The following LRFN5 variants were observed in gnomAD, a reference collection of about 807,000 sequenced individuals.
LRFN5 encodes the protein leucine-rich repeat and fibronectin type-III domain-containing protein 5.
A neutral mutation model predicts 45.6 loss-of-function variants in LRFN5; 24 were observed. That is an observed-to-expected ratio of 0.53 (90% CI 0.38 to 0.74). LRFN5 has a LOEUF of 0.74. Among genes scored for constraint, LRFN5 ranks in the 30% least tolerant of loss-of-function variants. The pLI, the probability that LRFN5 is intolerant of heterozygous loss-of-function variation, is 0.00. For missense variants in LRFN5, 776 were observed against 861.5 expected, an observed-to-expected ratio of 0.90 and a Z score of 1.24; for synonymous variants, 340 against 313.8, an observed-to-expected ratio of 1.08 and a Z score of -0.88.
chr14:41,886,576 T>C, intron 2 of LRFN5, 30 bp from the exon 3 acceptor site: 5 of 1,390,908 alleles, frequency 3.6e-6, no homozygotes, highest in Non-Finnish European at 4.9e-6. Context: ...CACTGGATGC[T>C]AACATTCTAT....
At chr14:41,803,317 T>G (rs892842960) in intron 2 of LRFN5, among the ~76,000 whole-genome samples, 1 of 152,164 alleles carries the variant, frequency 6.6e-6, no homozygotes. Flanking sequence ...AAAAAGCTAA[T>G]TCAACTCATT....
At chr14:41,734,316 T>TTATTTA (rs1441190358) in intron 1 of LRFN5, among the ~76,000 whole-genome samples, 2 of 38,766 alleles carry the variant, frequency 5.2e-5, no homozygotes, top group African/African-American at 1.1e-4. Flanking sequence ...TGGACTGGTT[T>TTATTTA]TATATATATA....
chr14:41,722,933 G>C (rs1883787375), intron 1 of LRFN5, among the ~76,000 whole-genome samples: 1 of 152,172 alleles, frequency 6.6e-6, no homozygotes. Flanking sequence ...AAGCACCAGT[G>C]CCAAGGGAGA....
At chr14:41,794,292 T>C (rs1357606742) in intron 2 of LRFN5, among the ~76,000 whole-genome samples, 1 of 152,074 alleles carries the variant, frequency 6.6e-6, no homozygotes, top group Non-Finnish European at 1.5e-5. Flanking sequence ...GTCTAACATA[T>C]AATAATTCAA....
intron 1 of LRFN5, among the ~76,000 whole-genome samples, chr14:41,665,114 G>T (rs951431206): frequency 6.6e-6 from 1 of 151,212 alleles, no homozygotes; most frequent in African/African-American, 2.4e-5. Flanking sequence ...TTTTAATTTG[G>T]CATCCTTTTC....
Position 41,836,161 on chromosome 14 carries a change from C to T in LRFN5, c.-20-50445C>T, listed in dbSNP as rs548540186. Among the ~76,000 whole-genome samples, 3 of 152,196 alleles carry T rather than the reference C, an allele frequency of 2.0e-5. No homozygotes were observed. The East Asian group carries it at 5.8e-4, about 30-fold the overall frequency. ...GGAATAGTGTATGTTTCTATGAACT[C>T]AGACTTTAGTTTCAGCTTTTGCATC... On this transcript the variant is annotated intron_variant, in intron 2 of 5. Coordinates refer to ENST00000298119, the MANE Select transcript of LRFN5 (RefSeq NM_152447.5).
intron 2 of LRFN5, among the ~76,000 whole-genome samples, chr14:41,796,330 A>T (rs1566447819): frequency 6.6e-6 from 1 of 152,010 alleles, no homozygotes; most frequent in Non-Finnish European, 1.5e-5. Flanking sequence ...TATTACCAGC[A>T]TTAAAATATT....
At chr14:41,821,132 T>C (rs568237091) in intron 2 of LRFN5, among the ~76,000 whole-genome samples, 1 of 151,978 alleles carries the variant, frequency 6.6e-6, no homozygotes, top group East Asian at 1.9e-4. Context: ...TCTTGCTAGG[T>C]TTTCCAGTAC....
intron 1 of LRFN5, among the ~76,000 whole-genome samples, chr14:41,676,409 T>C (rs982464574): frequency 1.3e-5 from 2 of 152,220 alleles, no homozygotes; most frequent in Non-Finnish European, 2.9e-5. Flanking sequence ...GATTTGACTT[T>C]GCAAAAGAGA....
chr14:41,800,686 G>A (rs2138967317), intron 2 of LRFN5, among the ~76,000 whole-genome samples: 1 of 151,400 alleles, frequency 6.6e-6, no homozygotes, highest in East Asian at 1.9e-4. Flanking sequence ...AAAATTAAAT[G>A]CAGCATACAC....
chr14:41,748,472 G>A (rs79335811), intron 1 of LRFN5, among the ~76,000 whole-genome samples: 1,992 of 152,152 alleles, frequency 0.013, 14 homozygotes, highest in Middle Eastern at 0.037. Flanking sequence ...CCCAAACATA[G>A]CAACTGACAG....
intron 1 of LRFN5, among the ~76,000 whole-genome samples, chr14:41,617,623 A>G (rs1461899072): frequency 6.6e-6 from 1 of 152,112 alleles, no homozygotes; most frequent in African/African-American, 2.4e-5. Flanking sequence ...AAAGCACTTT[A>G]TCCACTAGGA....
At chr14:41,822,013 T>G (rs891068334) in intron 2 of LRFN5, among the ~76,000 whole-genome samples, 8 of 151,998 alleles carry the variant, frequency 5.3e-5, no homozygotes. Context: ...AATGTCTTGT[T>G]TTTCAACTTT....
intron 1 of LRFN5, among the ~76,000 whole-genome samples, chr14:41,692,036 A>T (rs1228692878): frequency 6.6e-6 from 1 of 152,106 alleles, no homozygotes; most frequent in Non-Finnish European, 1.5e-5. Flanking sequence ...ATTGATGTGA[A>T]CATATTTTCT....
chr14:41,815,112 A>T (rs999532753), intron 2 of LRFN5, among the ~76,000 whole-genome samples: 1 of 152,144 alleles, frequency 6.6e-6, no homozygotes, highest in Non-Finnish European at 1.5e-5. Context: ...TGCCTTCTGG[A>T]TCTGTTTATT....
At position 41,624,299 on chromosome 14, in the gene LRFN5, A is replaced by T. The variant is rs990728304; in HGVS notation, c.-197+15737A>T. Among the ~76,000 whole-genome samples, 4 of 152,058 alleles carry T rather than the reference A, an allele frequency of 2.6e-5. No individual in the cohort carries two copies. In the East Asian group the frequency reaches 7.7e-4, roughly 29 times the overall value. On this transcript the variant is annotated intron_variant, in intron 1 of 5. Transcript: ENST00000298119. Reference sequence around the variant, plus strand: ...TGACTGGTTAATTTTCCTACAATTAATCCTTTTGTGAAAATTTCATTGCCA... The same window carrying T: ...TGACTGGTTAATTTTCCTACAATTATTCCTTTTGTGAAAATTTCATTGCCA...
At chr14:41,667,682 C>CT (rs1880968387) in intron 1 of LRFN5, among the ~76,000 whole-genome samples, 1 of 152,080 alleles carries the variant, frequency 6.6e-6, no homozygotes, top group South Asian at 2.1e-4. Context: ...GGGTAGACCT[C>CT]TATCTATAAA....
intron 1 of LRFN5, among the ~76,000 whole-genome samples, chr14:41,727,647 TTAAAA>T (rs1566639332): frequency 6.6e-6 from 1 of 151,664 alleles, no homozygotes; most frequent in African/African-American, 2.4e-5. Context: ...AAATATATTT[TTAAAA>T]TAAAATAAAT....
intron 2 of LRFN5, among the ~76,000 whole-genome samples, chr14:41,844,384 C>T (rs898463714): frequency 6.0e-5 from 9 of 149,230 alleles, no homozygotes; most frequent in African/African-American, 1.5e-4. Flanking sequence ...TTGCAGTGAG[C>T]GGAGATCTTG....
Sources: allele counts gnomAD v4.1 joint callset (sites outside exome capture counted in the v4.1 genomes callset), GRCh38; gene constraint gnomAD v4.1.1; transcripts MANE v1.5; gene names NCBI Gene and HGNC (gene_info 2026-07-23, HGNC 2026-07-21).